Variants in HOOK1 observed in about 807,000 individuals in gnomAD.
HOOK1 encodes the protein hook microtubule tethering protein 1, also known as protein Hook homolog 1.
A neutral mutation model predicts 112.8 loss-of-function variants in HOOK1; 60 were observed. The ratio of observed to expected loss-of-function variants is 0.53; its 90% CI spans 0.43 to 0.66. The LOEUF (loss-of-function observed/expected upper bound fraction) is 0.66. HOOK1 is among the 30% of genes least tolerant of loss of function. HOOK1 has a pLI of 0.00. For missense variants in HOOK1, 770 were observed against 856.0 expected, an observed-to-expected ratio of 0.90 and a Z score of 1.25; for synonymous variants, 294 against 283.8, an observed-to-expected ratio of 1.04 and a Z score of -0.36.
chr1:59,842,644 G>A (rs1457372042), intron 8 of HOOK1, among the ~76,000 whole-genome samples: 1 of 152,040 alleles, frequency 6.6e-6, no homozygotes, highest in Non-Finnish European at 1.5e-5. Context: ...AACTTATTCA[G>A]TAATACACTG....
At chr1:59,824,359 C>T (rs2098388281) in intron 2 of HOOK1, among the ~76,000 whole-genome samples, 1 of 152,134 alleles carries the variant, frequency 6.6e-6, no homozygotes, top group Non-Finnish European at 1.5e-5. Flanking sequence ...AGGCGCATGC[C>T]ACCATGCCTG....
rs367888508 is a variant in HOOK1, at chr1:59,840,404, A to C, written c.621+13A>C. 1.3e-6 allele frequency: 2 copies of C among 1,521,394 alleles called. No individual in the cohort carries two copies. Among genetic ancestry groups the C allele is most frequent in the South Asian group, 1.3e-5 (1 of 74,184 alleles). 94.2% of individuals were successfully genotyped at this position (1,521,394 alleles called of 1,614,324 possible). A position where few individuals can be genotyped will look rare whatever the true frequency, so the allele number is the denominator to read the frequency against. ...ATTGGATATGCAGGTACGGGAAAAAACCCTGAGCTGAGAAAAACTTCCTCT... is the reference window on the plus strand; with the variant it reads ...ATTGGATATGCAGGTACGGGAAAAACCCCTGAGCTGAGAAAAACTTCCTCT... On this transcript the variant is annotated intron_variant, in intron 8 of 21. Coordinates refer to ENST00000371208, the MANE Select transcript of HOOK1 (RefSeq NM_015888.6).
intron 16 of HOOK1, among the ~76,000 whole-genome samples, chr1:59,863,357 C>G (rs1428129342): frequency 6.6e-6 from 1 of 152,110 alleles, no homozygotes; most frequent in African/African-American, 2.4e-5. Context: ...TGGATTATAC[C>G]CGTCTCTGAA....
intron 1 of HOOK1, among the ~76,000 whole-genome samples, chr1:59,816,379 A>G (rs566777382): frequency 6.6e-6 from 1 of 152,338 alleles, no homozygotes; most frequent in East Asian, 1.9e-4. Flanking sequence ...TGAAATAGGT[A>G]TTGGGGTGGA....
intron 2 of HOOK1, among the ~76,000 whole-genome samples, chr1:59,824,518 A>G (rs950055715): frequency 1.3e-5 from 2 of 152,160 alleles, no homozygotes; most frequent in Non-Finnish European, 2.9e-5. Flanking sequence ...AATATGTTAT[A>G]ATTTTTAACA....
At position 59,848,343 on chromosome 1, in the gene HOOK1, G is replaced by A; in HGVS notation, c.958G>A (p.Glu320Lys). The A allele has an allele frequency of 6.2e-7, 1 of 1,610,772 alleles. No homozygotes were observed. Among genetic ancestry groups the A allele is most frequent in the South Asian group, 1.1e-5 (1 of 90,928 alleles). ...RATSDKANKL[E>K]STVEIYRQKL... ...TACCTCTGATAAAGCAAATAAACTG[G>A]AGTCAACAGTTGAGATATATCGTCA... The change falls in exon 11 of 22, where the codon GAG (glutamate) becomes AAG (lysine). Residue 320 changes from glutamate (E) to lysine (K), a missense_variant. Physicochemically the swap from Glu to Lys is moderately conservative, Grantham distance 56. Transcript: ENST00000371208.
chr1:59,866,855 C>T (rs1193737950), intron 19 of HOOK1, among the ~76,000 whole-genome samples: 3 of 152,036 alleles, frequency 2.0e-5, no homozygotes, highest in African/African-American at 4.8e-5. Flanking sequence ...TCCTTTTTTG[C>T]TCCTATAAAT....
intron 12 of HOOK1, among the ~76,000 whole-genome samples, chr1:59,855,469 C>G (rs1388646627): frequency 6.6e-6 from 1 of 152,084 alleles, no homozygotes; most frequent in African/African-American, 2.4e-5. Context: ...TGATCTTGCT[C>G]TTTTTTATGG....
chr1:59,852,710 T>A (rs2098407841), intron 12 of HOOK1, among the ~76,000 whole-genome samples: 6 of 151,758 alleles, frequency 4.0e-5, no homozygotes, highest in Admixed American at 3.9e-4. Flanking sequence ...AAGTTTTTTT[T>A]TCCTAGTTAA....
chr1:59,857,946 A>G (rs1025089864), intron 12 of HOOK1, among the ~76,000 whole-genome samples: 3 of 152,214 alleles, frequency 2.0e-5, no homozygotes, highest in Non-Finnish European at 4.4e-5. Flanking sequence ...ACTAGTCTCC[A>G]GCGTCTCTTA....
rs771397510 is a variant in HOOK1 at position 59,871,113 on chromosome 1, G to T, written c.2016+3G>T. ...TTGTTTCTGCGTGGTATAATAAGGT[G>T]AGCTGAAGTTCAGCAAATGATTGGA... On this transcript the variant is annotated splice_donor_region_variant and intron_variant, in intron 21 of 21. Coordinates refer to ENST00000371208, the MANE Select transcript of HOOK1 (RefSeq NM_015888.6). 2 of 1,605,792 alleles carry T rather than the reference G, an allele frequency of 1.2e-6. No individual in the cohort carries two copies. Among genetic ancestry groups the T allele is most frequent in the South Asian group, 2.2e-5 (2 of 90,276 alleles).
chr1:59,820,444 C>G (rs2098384769), intron 1 of HOOK1, among the ~76,000 whole-genome samples: 1 of 152,172 alleles, frequency 6.6e-6, no homozygotes, highest in Admixed American at 6.5e-5. Flanking sequence ...GTCACCCCTT[C>G]CCCAGCCTTC....
chr1:59,868,142 C>T, intron 19 of HOOK1, 108 bp from the exon 20 acceptor site: 1 of 628,900 alleles, frequency 1.6e-6, no homozygotes, highest in Non-Finnish European at 2.8e-6. Context: ...TCTTGGATGA[C>T]TTTGTGGATT....
At chr1:59,839,385 T>G (rs1242885014) in intron 7 of HOOK1, among the ~76,000 whole-genome samples, 2 of 152,222 alleles carry the variant, frequency 1.3e-5, no homozygotes, top group Non-Finnish European at 1.5e-5. Context: ...GAGCAGTGGT[T>G]TGTAGTTCCC....
chr1:59,872,079 C>A (rs969013476), intron 21 of HOOK1, among the ~76,000 whole-genome samples: 6 of 152,140 alleles, frequency 3.9e-5, no homozygotes, highest in African/African-American at 1.4e-4. Flanking sequence ...ATGATTGATT[C>A]ATTTTTTTCA....
At chr1:59,820,391 T>G (rs559742113) in intron 1 of HOOK1, among the ~76,000 whole-genome samples, 1 of 152,366 alleles carries the variant, frequency 6.6e-6, no homozygotes, top group South Asian at 2.1e-4. Context: ...CCAAGCTTCT[T>G]GTCATGGCCC....
intron 16 of HOOK1, among the ~76,000 whole-genome samples, chr1:59,864,419 A>C (rs1643919797): frequency 6.6e-6 from 1 of 151,872 alleles, no homozygotes. Context: ...ACCTTTTTAT[A>C]TTTCATTTTC....
intron 3 of HOOK1, among the ~76,000 whole-genome samples, chr1:59,831,805 G>C (rs944329271): frequency 6.6e-6 from 1 of 152,142 alleles, no homozygotes; most frequent in Non-Finnish European, 1.5e-5. Flanking sequence ...CTTGTCTAAA[G>C]CTTGCAAACA....
intron 12 of HOOK1, among the ~76,000 whole-genome samples, chr1:59,854,227 C>T (rs113010621): frequency 0.022 from 3,364 of 149,606 alleles, 114 homozygotes; most frequent in African/African-American, 0.076. Context: ...AATTTTTGTA[C>T]TTTTAATAGA....
Sources: gnomAD v4.1 joint callset for allele counts (sites outside exome capture counted in the v4.1 genomes callset) on GRCh38, gnomAD v4.1.1 for gene constraint, MANE v1.5 for transcripts, NCBI Gene and HGNC (gene_info 2026-07-23, HGNC 2026-07-21) for gene names.